ADAM7: variants seen among roughly 807,000 people sequenced by gnomAD.
ADAM7 encodes the protein disintegrin and metalloproteinase domain-containing protein 7.
ADAM7 carries 97 observed loss-of-function variants against 102.9 expected under a neutral mutation model. The observed-to-expected ratio is 0.94, with a 90% CI of 0.80 to 1.12. ADAM7 has a LOEUF of 1.12. Ranked by LOEUF, ADAM7 falls within the 50% of genes most tolerant of loss-of-function variation. The pLI is 0.00. For synonymous variants in ADAM7, 334 were observed against 304.4 expected (o/e 1.10, Z -1.01); for missense variants, 991 against 908.7 (o/e 1.09, Z -1.16).
intron 16 of ADAM7, among the ~76,000 whole-genome samples, chr8:24,495,453 T>G (rs533451202): frequency 6.6e-6 from 1 of 151,932 alleles, no homozygotes; most frequent in South Asian, 2.1e-4. Flanking sequence ...ACGTATAAAA[T>G]ATAAGAGCCA....
At chr8:24,451,051 C>T (rs1385003239) in intron 3 of ADAM7, among the ~76,000 whole-genome samples, 1 of 151,932 alleles carries the variant, frequency 6.6e-6, no homozygotes, top group Non-Finnish European at 1.5e-5. Flanking sequence ...ATTCGGTTTG[C>T]CAGCATTTTA....
chr8:24,478,249 C>T (rs1160561251), intron 8 of ADAM7, among the ~76,000 whole-genome samples: 2 of 152,136 alleles, frequency 1.3e-5, no homozygotes, highest in South Asian at 2.1e-4. Context: ...TGCTGGCAGT[C>T]TGCTGGGGCC....
intron 8 of ADAM7, among the ~76,000 whole-genome samples, chr8:24,477,240 T>C (rs891152331): frequency 6.6e-6 from 1 of 152,210 alleles, no homozygotes; most frequent in Non-Finnish European, 1.5e-5. Flanking sequence ...CTGGGTCATA[T>C]GGAAAGTGTA....
chr8:24,478,552 T>G (rs1251587282), intron 8 of ADAM7, among the ~76,000 whole-genome samples: 1 of 152,158 alleles, frequency 6.6e-6, no homozygotes, highest in Admixed American at 6.5e-5. Flanking sequence ...GTCACAGTCC[T>G]GCCCACGTTG....
At chr8:24,475,733 A>G (rs943707523) in intron 7 of ADAM7, among the ~76,000 whole-genome samples, 1 of 152,170 alleles carries the variant, frequency 6.6e-6, no homozygotes, top group Admixed American at 6.6e-5. Context: ...TATTTTTATT[A>G]TGAAAGAAGT....
chr8:24,490,839 T>C lies in ADAM7; in HGVS notation c.1307T>C (p.Leu436Pro), dbSNP rs748655875. ...TGCTGTGATGCACACACATGTGTAC[T>C]GAAGCCAGGATTTACTTGTGCAGAA... ...NPCCDAHTCV[L>P]KPGFTCAEGE... The change falls in exon 13 of 22, where the codon CTG becomes CCG. Residue 436 changes from leucine (L) to proline (P), a missense_variant. Transcript: ENST00000175238. 34 of 1,613,788 alleles carry C rather than the reference T, an allele frequency of 2.1e-5. No individual in the cohort carries two copies. The South Asian group carries it at 2.7e-4, about 13-fold the overall frequency.
chr8:24,466,133 C>G (rs575206925), intron 5 of ADAM7, among the ~76,000 whole-genome samples: 1 of 152,136 alleles, frequency 6.6e-6, no homozygotes, highest in Admixed American at 6.5e-5. Context: ...AGCCTGAAAC[C>G]CAGGTCTTTT....
chr8:24,486,204 A>T (rs935760218), intron 10 of ADAM7, among the ~76,000 whole-genome samples: 1 of 152,208 alleles, frequency 6.6e-6, no homozygotes, highest in Non-Finnish European at 1.5e-5. Flanking sequence ...GTAAGATGAG[A>T]TGACCAAATT....
chr8:24,490,938 G>T (rs542928972), intron 13 of ADAM7, 50 bp downstream of exon 13: 2 of 1,586,670 alleles, frequency 1.3e-6, no homozygotes, highest in South Asian at 2.2e-5. Flanking sequence ...TTAAGAATAT[G>T]TAGGATCCAA....
chr8:24,485,226 T>A (rs934792349), intron 9 of ADAM7, 51 bp from the exon 10 acceptor site: 3 of 1,514,468 alleles, frequency 2.0e-6, no homozygotes, highest in African/African-American at 2.8e-5. Context: ...ATCTTTGTGT[T>A]AATTAAACTA....
At chr8:24,490,040 A>C (rs1820287301) in intron 12 of ADAM7, among the ~76,000 whole-genome samples, 2 of 152,274 alleles carry the variant, frequency 1.3e-5, no homozygotes, top group South Asian at 4.1e-4. Context: ...CCTAGCTTCA[A>C]GGTTACACTG....
chr8:24,500,127 A>G, intron 17 of ADAM7, 51 bp from the exon 18 acceptor site: 1 of 1,514,548 alleles, frequency 6.6e-7, no homozygotes, highest in Non-Finnish European at 9.0e-7. Flanking sequence ...TGAGTTGCAG[A>G]ACACAACTTA....
intron 20 of ADAM7, among the ~76,000 whole-genome samples, chr8:24,503,150 A>G (rs1338470113): frequency 6.6e-6 from 1 of 152,212 alleles, no homozygotes; most frequent in African/African-American, 2.4e-5. Context: ...GATCATATCA[A>G]TAGAGGCAGA....
chr8:24,456,446 A>T (rs1221807192), intron 3 of ADAM7, among the ~76,000 whole-genome samples: 1 of 152,046 alleles, frequency 6.6e-6, no homozygotes, highest in African/African-American at 2.4e-5. Context: ...GGGGGAGGAG[A>T]CATCTTTCCC....
intron 3 of ADAM7, among the ~76,000 whole-genome samples, chr8:24,458,517 A>G (rs79011216): frequency 0.024 from 3,602 of 152,262 alleles, 144 homozygotes; most frequent in African/African-American, 0.082. Context: ...TGGATTTGAG[A>G]AGCATTAGTA....
At chr8:24,475,564 T>G (rs1585890136) in intron 7 of ADAM7, among the ~76,000 whole-genome samples, 1 of 152,066 alleles carries the variant, frequency 6.6e-6, no homozygotes, top group Non-Finnish European at 1.5e-5. Flanking sequence ...ATAGTGGCAG[T>G]TATAATCAGA....
At chr8:24,476,404 G>A (rs767163897) in intron 7 of ADAM7, 29 bp from the exon 8 acceptor site, 3 of 1,447,804 alleles carry the variant, frequency 2.1e-6, no homozygotes, top group Non-Finnish European at 1.9e-6. Context: ...TATTATTAAT[G>A]AATATTAATA....
intron 20 of ADAM7, among the ~76,000 whole-genome samples, chr8:24,505,030 C>T (rs1373076976): frequency 6.6e-6 from 1 of 152,050 alleles, no homozygotes; most frequent in Non-Finnish European, 1.5e-5. Context: ...TAATGTAATT[C>T]TCATTCATTT....
chr8:24,488,802 A>T (rs532929979), intron 11 of ADAM7, among the ~76,000 whole-genome samples: 11 of 152,182 alleles, frequency 7.2e-5, no homozygotes, highest in Non-Finnish European at 1.2e-4. Flanking sequence ...CACATGATAC[A>T]ATTATTGCTT....
Sources: allele counts gnomAD v4.1 joint callset (sites outside exome capture counted in the v4.1 genomes callset), GRCh38; gene constraint gnomAD v4.1.1; transcripts MANE v1.5; gene names NCBI Gene and HGNC (gene_info 2026-07-23, HGNC 2026-07-21).